IFNA6: variants seen among roughly 807,000 people sequenced by gnomAD.
IFNA6 encodes the protein interferon alpha-6.
For synonymous variants in IFNA6, 96 were observed against 79.2 expected (o/e 1.21, Z -1.13); for missense variants, 235 against 212.4 (o/e 1.11, Z -0.66).
At chr9:21,350,584 C>CA in the IFNA6 span, 109 of 1,613,990 alleles carry the variant, frequency 6.8e-5, no homozygotes, top group African/African-American at 1.3e-3. Flanking sequence ...AGAAGCCTCT[C>CA]ATCCCAAGCA....
exon 1 of IFNA6, chr9:21,350,509 C>T: frequency 6.2e-7 from 1 of 1,614,048 alleles, no homozygotes; most frequent in Non-Finnish European, 8.5e-7. Context: ...CCCACCCACA[C>T]CTCCTGCATC....
At position 21,350,436 on chromosome 9, in the gene IFNA6, G is replaced by A. The variant is rs560876373; in HGVS notation, c.452C>T (p.Thr151Ile). 2.1e-5 allele frequency: 34 copies of A among 1,614,056 alleles called. No homozygotes were observed. Among genetic ancestry groups the A allele is most frequent in the Non-Finnish European group, 2.7e-5 (32 of 1,179,926 alleles). The stretch of plus-strand genomic sequence containing the variant: ...GTACTTTTTCTCTGTCAGGTAGAGA[G>A]TGATTCTTTGGAAGTATTTTCTCAC... The change falls in exon 1 of 1, where the codon ACT (threonine) becomes ATT (isoleucine). Residue 151 changes from threonine (T) to isoleucine (I), a missense_variant. Coordinates refer to ENST00000380210, the Ensembl canonical transcript of IFNA6.
At chr9:21,350,497 C>T in exon 1 of IFNA6, 1 of 1,614,012 alleles carries the variant, frequency 6.2e-7, no homozygotes, top group Non-Finnish European at 8.5e-7. Context: ...AGGGGAGTCC[C>T]TCCCACCCAC....
chr9:21,350,742 A>G lies in IFNA6; in HGVS notation c.146T>C (p.Leu49Pro), dbSNP rs61736254. The change falls in exon 1 of 1, where the codon CTT becomes CCT. Residue 49 changes from leucine to proline, a missense_variant. Coordinates refer to ENST00000380210, the Ensembl canonical transcript of IFNA6. ...ATGTCTGTCCTTCAGACAGGAGAAA[A>G]GAGAGATTCTCCTCATTTGTGCCAG... 3.5e-3 allele frequency: 5,701 copies of G among 1,613,772 alleles called. 23 individuals carry two copies. Among genetic ancestry groups the G allele is most frequent in the Non-Finnish European group, 4.4e-3 (5,225 of 1,179,714 alleles).
At chr9:21,350,620 G>C (rs1563860230) in exon 1 of IFNA6, 3 of 1,614,008 alleles carry the variant, frequency 1.9e-6, no homozygotes, top group Non-Finnish European at 2.5e-6. Flanking sequence ...GTGCTGAAGA[G>C]GTTGAAGGTC....
exon 1 of IFNA6, chr9:21,350,627 G>A (rs1487750052): frequency 6.2e-7 from 1 of 1,614,022 alleles, no homozygotes; most frequent in Non-Finnish European, 8.5e-7. Flanking sequence ...AGAGGTTGAA[G>A]GTCTGCTGAA....
At chr9:21,350,852 C>T in exon 1 of IFNA6, 1 of 1,613,816 alleles carries the variant, frequency 6.2e-7, no homozygotes, top group South Asian at 1.1e-5. Flanking sequence ...AGCTGAGCAC[C>T]ACCAGGGCCA....
At position 21,350,434 on chromosome 9, in the gene IFNA6, G is replaced by C. The variant is rs560453521; in HGVS notation, c.454C>G (p.Leu152Val). Reference sequence around the variant, plus strand: ...CTGTACTTTTTCTCTGTCAGGTAGAGAGTGATTCTTTGGAAGTATTTTCTC... The same window carrying C: ...CTGTACTTTTTCTCTGTCAGGTAGACAGTGATTCTTTGGAAGTATTTTCTC... Residue 152 changes from leucine to valine, a missense_variant, in exon 1 of 1, where the codon CTC (leucine) becomes GTC (valine). Leu to Val is a conservative substitution (Grantham distance 32). Transcript: ENST00000380210. 1.3e-5 allele frequency: 21 copies of C among 1,614,034 alleles called. No individual in the cohort carries two copies. In the South Asian group the frequency reaches 2.1e-4, roughly 16 times the overall value.
exon 1 of IFNA6, chr9:21,350,884 C>T: frequency 6.2e-7 from 1 of 1,613,256 alleles, no homozygotes; most frequent in Non-Finnish European, 8.5e-7. Context: ...AAAGGCAAAG[C>T]CATTGTAGAT....
chr9:21,350,829 C>G, exon 1 of IFNA6: 3 of 1,613,912 alleles, frequency 1.9e-6, no homozygotes, highest in Non-Finnish European at 2.5e-6. Context: ...GTCCAGAGAG[C>G]AGCTTGACTT....
chr9:21,350,522 A>G (rs1389044983), exon 1 of IFNA6: 8 of 1,613,978 alleles, frequency 5.0e-6, no homozygotes, highest in Non-Finnish European at 5.1e-6. Flanking sequence ...CCTGCATCAC[A>G]CAGGCTTCCA....
chr9:21,350,816 A>G, exon 1 of IFNA6: 1 of 1,613,972 alleles, frequency 6.2e-7, no homozygotes. Context: ...GAGGCAGATC[A>G]CAGTCCAGAG....
the IFNA6 span, chr9:21,350,504 C>T: frequency 6.8e-6 from 11 of 1,613,882 alleles, no homozygotes; most frequent in Non-Finnish European, 8.5e-6. Flanking sequence ...TCCCTCCCAC[C>T]CACACCTCCT....
At chr9:21,350,768 G>C in exon 1 of IFNA6, 1 of 1,613,968 alleles carries the variant, frequency 6.2e-7, no homozygotes, top group East Asian at 2.2e-5. Flanking sequence ...TTTGTGCCAG[G>C]AGCATCATGG....
At chr9:21,350,347 A>G (rs1161557691) in exon 1 of IFNA6, 3 of 1,612,996 alleles carry the variant, frequency 1.9e-6, no homozygotes, top group Non-Finnish European at 2.5e-6. Flanking sequence ...CTTTCTTGCA[A>G]GTTTCTTGAT....
At chr9:21,350,642 C>T (rs1820440295) in exon 1 of IFNA6, 1 of 1,613,984 alleles carries the variant, frequency 6.2e-7, no homozygotes, top group Non-Finnish European at 8.5e-7. Context: ...GCTGAATCAC[C>T]TCATGGAGGA....
chr9:21,350,731 G>C (rs1309947043), exon 1 of IFNA6: 1 of 1,614,034 alleles, frequency 6.2e-7, no homozygotes, highest in Non-Finnish European at 8.5e-7. Context: ...CTGTCCTTCA[G>C]ACAGGAGAAA....
chr9:21,350,655 G>T (rs1820440456), exon 1 of IFNA6: 1 of 1,613,914 alleles, frequency 6.2e-7, no homozygotes, highest in South Asian at 1.1e-5. Flanking sequence ...ATGGAGGACA[G>T]AGATGGCTTC....
exon 1 of IFNA6, chr9:21,350,410 T>C (rs1820434641): frequency 6.2e-7 from 1 of 1,613,808 alleles, no homozygotes; most frequent in South Asian, 1.1e-5. Flanking sequence ...GCACAAGGGC[T>C]GTACTTTTTC....
Sources: allele counts gnomAD v4.1 joint callset, GRCh38; gene constraint gnomAD v4.1.1; transcripts MANE v1.5; gene names NCBI Gene and HGNC (gene_info 2026-07-23, HGNC 2026-07-21).